MRTFA: variants seen among roughly 807,000 people sequenced by gnomAD.
MRTFA encodes myocardin-related transcription factor A.
In MRTFA, 20 loss-of-function variants were observed where a neutral mutation model predicts 83.5. That is an observed-to-expected ratio of 0.24 (90% confidence interval 0.17 to 0.35). MRTFA has a LOEUF of 0.35. Among genes scored for constraint, MRTFA ranks in the 10% least tolerant of loss-of-function variants. The probability of loss-of-function intolerance (pLI) is 1.00; values close to 1 mark genes in which losing one functional copy is unlikely to be tolerated. For synonymous variants in MRTFA, 659 were observed against 541.2 expected (o/e 1.22, Z -3.02); for missense variants, 1,200 against 1,224.7 (o/e 0.98, Z 0.30).
Position 40,416,499 on chromosome 22 carries a change from G to A in MRTFA, c.2578+487C>T, listed in dbSNP as rs1399942645. Among the ~76,000 whole-genome samples, 3 of 152,196 alleles carry A rather than the reference G, an allele frequency of 2.0e-5. No individual in the cohort carries two copies. The highest frequency in any genetic ancestry group is 4.4e-5 in the Non-Finnish European group (3 of 68,032). ...AGGCCACGCATGATCTGGCCATGAA[G>A]GCCTTCTTCCCCTTTCCTCAACTCC... is the stretch of plus-strand genomic sequence containing the variant. On this transcript the variant is annotated intron_variant, in intron 14 of 14. Coordinates refer to ENST00000355630, the MANE Select transcript of MRTFA (RefSeq NM_020831.6). This position sits in a 1 kb window ranked among gnomAD's most constrained non-coding sequence, Gnocchi z 4.2.
intron 4 of MRTFA, among the ~76,000 whole-genome samples, chr22:40,451,124 C>T (rs889305052): frequency 1.3e-5 from 2 of 152,174 alleles, no homozygotes; most frequent in African/African-American, 4.8e-5. Context: ...CTGGAAGAAA[C>T]AGCAGGTATA....
intron 2 of MRTFA, among the ~76,000 whole-genome samples, chr22:40,564,770 G>C (rs1438950133): frequency 6.6e-6 from 1 of 152,062 alleles, no homozygotes; most frequent in Non-Finnish European, 1.5e-5. Context: ...TCCTGCCTCA[G>C]CCTCCCGAAT....
chr22:40,451,472 C>G (rs2053485818), intron 4 of MRTFA, among the ~76,000 whole-genome samples: 1 of 152,130 alleles, frequency 6.6e-6, no homozygotes, highest in Non-Finnish European at 1.5e-5. Context: ...CTATCACCCC[C>G]ACCCAAACCA....
At chr22:40,447,143 G>A (rs1225459842) in intron 4 of MRTFA, among the ~76,000 whole-genome samples, 2 of 151,800 alleles carry the variant, frequency 1.3e-5, no homozygotes, top group Non-Finnish European at 2.9e-5. Flanking sequence ...ATCGCTTGAG[G>A]TCAGAAGTTC....
chr22:40,523,195 T>C (rs942885351), intron 3 of MRTFA, among the ~76,000 whole-genome samples: 1 of 152,202 alleles, frequency 6.6e-6, no homozygotes, highest in Non-Finnish European at 1.5e-5. Context: ...GAGCAGGTTT[T>C]CTTTTTTGTT....
At chr22:40,417,759 T>C in intron 12 of MRTFA, 1 of 465,172 alleles carries the variant, frequency 2.1e-6, no homozygotes, top group Non-Finnish European at 3.8e-6. Flanking sequence ...CTGAGATTTC[T>C]GCAGCTTCTT....
Position 40,423,680 on chromosome 22 carries a change from C to T in MRTFA, c.783G>A (p.Val261=), listed in dbSNP as rs781222952. Residue 261 remains valine, a synonymous_variant, in exon 9 of 15, where the codon GTG becomes GTA. Coordinates refer to ENST00000355630, the MANE Select transcript of MRTFA (RefSeq NM_020831.6). ...AATCCCGGCCCATCGGAAGTTGAGA[C>T]ACAACCTGAGAGGGAAAAAGGGAAG... The T allele has an allele frequency of 7.0e-6, 11 of 1,561,302 alleles. No individual in the cohort carries two copies. In the Admixed American group the frequency reaches 1.8e-4, roughly 26 times the overall value.
At chr22:40,578,874 G>T (rs1354605138) in intron 2 of MRTFA, among the ~76,000 whole-genome samples, 1 of 126,332 alleles carries the variant, frequency 7.9e-6, no homozygotes, top group African/African-American at 2.6e-5. Flanking sequence ...AGTGAGCCAA[G>T]ATTGTGCCAC....
At chr22:40,425,485 C>T (rs2147083024) in intron 7 of MRTFA, among the ~76,000 whole-genome samples, 1 of 152,334 alleles carries the variant, frequency 6.6e-6, no homozygotes, top group African/African-American at 2.4e-5. Flanking sequence ...AGTGGCTCTC[C>T]TAGGAGCTCT....
intron 3 of MRTFA, among the ~76,000 whole-genome samples, chr22:40,473,505 A>G (rs1481379402): frequency 6.6e-6 from 1 of 152,132 alleles, no homozygotes; most frequent in African/African-American, 2.4e-5. Flanking sequence ...CCTTACTCTA[A>G]GTTCATAGCC....
chr22:40,595,238 G>A (rs9623197), intron 1 of MRTFA, among the ~76,000 whole-genome samples: 1 of 149,544 alleles, frequency 6.7e-6, no homozygotes, highest in African/African-American at 2.5e-5. Flanking sequence ...CCCTGCCTCA[G>A]ACTCCCAAGT....
intron 3 of MRTFA, among the ~76,000 whole-genome samples, chr22:40,481,888 G>T (rs149078778): frequency 2.0e-5 from 3 of 151,904 alleles, no homozygotes; most frequent in African/African-American, 7.3e-5. Context: ...GTGAAACCCC[G>T]TCTCTACTAA....
Position 40,420,951 on chromosome 22 carries a change from G to A in MRTFA, c.1077C>T (p.Tyr359=), listed in dbSNP as rs56325101. 1,221 of 1,614,046 alleles carry A rather than the reference G, an allele frequency of 7.6e-4. 6 individuals carry two copies. In the Middle Eastern group the frequency reaches 0.013, roughly 17 times the overall value. ...GCTGCTGCTGCTGCAGGATCTTGGC[G>A]TAGGATGAGTCCATGGGGGGTGCCC... The change falls in exon 10 of 15, where the codon TAC becomes TAT. Residue 359 remains tyrosine, a synonymous_variant. Coordinates refer to ENST00000355630, the MANE Select transcript of MRTFA (RefSeq NM_020831.6).
At chr22:40,458,543 C>T (rs1477426662) in intron 4 of MRTFA, among the ~76,000 whole-genome samples, 1 of 152,182 alleles carries the variant, frequency 6.6e-6, no homozygotes, top group Non-Finnish European at 1.5e-5. Context: ...ATGACGATGT[C>T]AGGACTGACA....
At chr22:40,428,736 G>A (rs1212123435) in intron 7 of MRTFA, among the ~76,000 whole-genome samples, 2 of 151,946 alleles carry the variant, frequency 1.3e-5, no homozygotes, top group African/African-American at 4.8e-5. Context: ...TGCCCAGGCT[G>A]GTCTCAAACT....
At chr22:40,425,396 G>A (rs1028934164) in intron 7 of MRTFA, among the ~76,000 whole-genome samples, 1 of 152,258 alleles carries the variant, frequency 6.6e-6, no homozygotes, top group Non-Finnish European at 1.5e-5. Context: ...GCCCAAGCCT[G>A]GGGAAGTATG....
At chr22:40,635,393 G>T (rs929050456) in intron 1 of MRTFA, among the ~76,000 whole-genome samples, 1 of 152,156 alleles carries the variant, frequency 6.6e-6, no homozygotes, top group Non-Finnish European at 1.5e-5. Context: ...ACCCTGAAAA[G>T]ATCTCAAAAA....
chr22:40,546,383 GAAAGGTAGAGTT>G (rs1175518165), intron 3 of MRTFA, among the ~76,000 whole-genome samples: 1 of 152,218 alleles, frequency 6.6e-6, no homozygotes, highest in African/African-American at 2.4e-5. Flanking sequence ...GGAGTCGCTG[GAAAGGTAGAGTT>G]TAAAAAGCCG....
chr22:40,417,362 C>T lies in MRTFA; in HGVS notation c.2496G>A (p.Met832Ile). ...TCACCTGCTGTTTGGGCTGCTGGCT[C>T]ATGGCTTCCTCATAGCCAGGTGGTT... The change falls in exon 13 of 15, where the codon ATG becomes ATA. Residue 832 changes from methionine to isoleucine, a missense_variant. Met to Ile is a conservative substitution (Grantham distance 10). Transcript: ENST00000355630. 6.2e-7 allele frequency: 1 copy of T among 1,611,618 alleles called. No individual in the cohort carries two copies. Among genetic ancestry groups the T allele is most frequent in the African/African-American group, 1.3e-5 (1 of 74,996 alleles).
Sources: gnomAD v4.1 joint callset for allele counts (sites outside exome capture counted in the v4.1 genomes callset) on GRCh38, gnomAD v4.1.1 for gene constraint, Gnocchi (gnomAD v3.1) non-coding constraint, MANE v1.5 for transcripts, NCBI Gene and HGNC (gene_info 2026-07-23, HGNC 2026-07-21) for gene names.